Variants in MAP3K21 observed in about 807,000 individuals in gnomAD.
MAP3K21 encodes the protein mitogen-activated protein kinase kinase kinase 21, also known as mitogen-activated protein kinase kinase kinase MLK4.
In MAP3K21, 63 loss-of-function variants were observed where a neutral mutation model predicts 86.1. The ratio of observed to expected loss-of-function variants is 0.73; its 90% CI spans 0.60 to 0.90. The LOEUF (loss-of-function observed/expected upper bound fraction) is 0.90, where lower values mean the gene tolerates loss of function less well. Among genes scored for constraint, MAP3K21 ranks in the 40% least tolerant of loss-of-function variants. The probability of loss-of-function intolerance (pLI) is 0.00; values close to 1 mark genes in which losing one functional copy is unlikely to be tolerated. For missense variants in MAP3K21, 1,220 were observed against 1,367.7 expected (o/e 0.89, Z 1.70); for synonymous variants, 558 against 564.8 (o/e 0.99, Z 0.17).
In MAP3K21 at chr1:233,379,290, G is replaced by A; in HGVS notation, c.2284G>A (p.Gly762Arg). 1.2e-6 allele frequency: 2 copies of A among 1,614,148 alleles called. No homozygotes were observed. The highest frequency in any genetic ancestry group is 1.3e-5 in the African/African-American group (1 of 75,026). ...LPKEEKKKRE[G>R]IFQRASKSRR... ...CAAGGAAGAGAAGAAGAAACGAGAG[G>A]GAATCTTCCAGCGGGCTTCCAAGTC... is the stretch of plus-strand genomic sequence containing the variant. Residue 762 changes from glycine to arginine, a missense_variant, in exon 9 of 10, where the codon GGA (glycine) becomes AGA (arginine). By Grantham distance (125) the Gly-to-Arg change is moderately radical (BLOSUM62 -2). This residue lies in a region of MAP3K21 where 632 missense variants were observed against 691.3 expected (regional missense o/e 0.91). Coordinates refer to ENST00000366624, the MANE Select transcript of MAP3K21 (RefSeq NM_032435.3).
intron 4 of MAP3K21, among the ~76,000 whole-genome samples, chr1:233,357,338 G>A (rs2102755922): frequency 6.6e-6 from 1 of 151,542 alleles, no homozygotes; most frequent in African/African-American, 2.4e-5. Flanking sequence ...CACCAACAGG[G>A]CGCATGTATA....
chr1:233,343,402 A>C (rs1663074836), intron 1 of MAP3K21, among the ~76,000 whole-genome samples: 1 of 152,188 alleles, frequency 6.6e-6, no homozygotes, highest in African/African-American at 2.4e-5. Flanking sequence ...GTACTATGGT[A>C]ATTCACAAGA....
At chr1:233,352,946 A>G (rs930407165) in intron 2 of MAP3K21, among the ~76,000 whole-genome samples, 2 of 152,224 alleles carry the variant, frequency 1.3e-5, no homozygotes, top group African/African-American at 2.4e-5. Flanking sequence ...ACTCGTGCCT[A>G]TGTCCCTGTG....
chr1:233,357,621 C>A (rs986262957), intron 4 of MAP3K21, among the ~76,000 whole-genome samples: 5 of 152,042 alleles, frequency 3.3e-5, no homozygotes, highest in Non-Finnish European at 7.4e-5. Flanking sequence ...CATGGAGTTG[C>A]GTCTGACTGC....
At chr1:233,335,154 AG>A (rs1449270316) in intron 1 of MAP3K21, among the ~76,000 whole-genome samples, 1 of 152,046 alleles carries the variant, frequency 6.6e-6, no homozygotes, top group African/African-American at 2.4e-5. Context: ...GAGGCAATCC[AG>A]GGCTCCCGAA....
In MAP3K21 at chr1:233,376,055, T is replaced by C. The variant is rs765842021; in HGVS notation, c.1815T>C (p.Asp605=). The C allele has an allele frequency of 3.7e-6, 6 of 1,603,168 alleles. No homozygotes were observed. Among genetic ancestry groups the C allele is most frequent in the Non-Finnish European group, 5.1e-6 (6 of 1,177,610 alleles). The change falls in exon 7 of 10, where the codon GAT becomes GAC. Residue 605 remains aspartate, a synonymous_variant. Coordinates refer to ENST00000366624, the MANE Select transcript of MAP3K21 (RefSeq NM_032435.3). ...CCATTCAAATGAAAGATAGAACAGA[T>C]TGCAAAGAAAGGTACGTGTGTGGTA... is the stretch of plus-strand genomic sequence containing the variant. ...PNSIQMKDRT[D]CKERIRPLSD...
chr1:233,359,574 G>A (rs1013825868), intron 4 of MAP3K21, among the ~76,000 whole-genome samples: 9 of 152,112 alleles, frequency 5.9e-5, no homozygotes, highest in East Asian at 1.9e-4. Context: ...TCAGTAAGCC[G>A]TAGCCTCCGT....
In MAP3K21 at chr1:233,328,904, G is replaced by A; in HGVS notation, c.805+71G>A. On this transcript the variant is annotated intron_variant, in intron 1 of 9. Coordinates refer to ENST00000366624, the MANE Select transcript of MAP3K21 (RefSeq NM_032435.3). This position sits in a 1 kb window ranked among gnomAD's most constrained non-coding sequence, Gnocchi z 8.7. ...GCCCAGGCGGGCTCCACAGGACATA[G>A]TACCAGATGGAAAGAGGTGGGAGTC... 7.8e-7 allele frequency: 1 copy of A among 1,284,606 alleles called. No individual in the cohort carries two copies. Among genetic ancestry groups the A allele is most frequent in the Non-Finnish European group, 9.9e-7 (1 of 1,008,020 alleles). The allele number at this position is 1,284,606 out of a possible 1,614,324, so 79.6% of individuals were successfully genotyped here.
At chr1:233,352,388 A>C (rs1051605666) in intron 2 of MAP3K21, among the ~76,000 whole-genome samples, 4 of 151,574 alleles carry the variant, frequency 2.6e-5, no homozygotes, top group African/African-American at 9.7e-5. Flanking sequence ...TAGCCATCCT[A>C]CAGTGCGTTA....
rs1251099288 is a variant in MAP3K21 at position 233,328,338 on chromosome 1, G to T, written c.310G>T (p.Ala104Ser). ...CTACGTGGCTCCCTGCCGCCCGGCC[G>T]CCAGCCCCGCGCCGCCGCCCTCGCG... ...ANYVAPCRPAASPAPPPSRPS... is the reference protein window; with the variant it reads ...ANYVAPCRPASSPAPPPSRPS... The change falls in exon 1 of 10, where the codon GCC becomes TCC. Residue 104 changes from alanine (A) to serine (S), a missense_variant. Physicochemically the swap from Ala to Ser is moderately conservative, Grantham distance 99 (BLOSUM62 1). This residue lies in a region of MAP3K21 where 369 missense variants were observed against 385.3 expected (regional missense o/e 0.96). Coordinates refer to ENST00000366624, the MANE Select transcript of MAP3K21 (RefSeq NM_032435.3). The surrounding 1 kb of genome is among the most constrained non-coding windows in gnomAD (Gnocchi z 8.7). 3.4e-6 allele frequency: 5 copies of T among 1,468,796 alleles called. No individual in the cohort carries two copies. Among genetic ancestry groups the T allele is most frequent in the Non-Finnish European group, 4.5e-6 (5 of 1,118,740 alleles). The allele number at this position is 1,468,796 out of a possible 1,614,324, so 91.0% of individuals were successfully genotyped here.
chr1:233,328,848 A>C lies in MAP3K21; in HGVS notation c.805+15A>C, dbSNP rs1449260491. 6.0e-6 allele frequency: 9 copies of C among 1,494,766 alleles called. No homozygotes were observed. Among genetic ancestry groups the C allele is most frequent in the South Asian group, 5.1e-5 (4 of 78,892 alleles). The allele number at this position is 1,494,766 out of a possible 1,614,324, so 92.6% of individuals were successfully genotyped here. A position where few individuals can be genotyped will look rare whatever the true frequency, so the allele number is the denominator to read the frequency against. ...GTCCAGCAACAGTAAGTGGGGCCAGAGGGAGGTGGGGGAAGACTACCTCCG... is the reference window on the plus strand; with the variant it reads ...GTCCAGCAACAGTAAGTGGGGCCAGCGGGAGGTGGGGGAAGACTACCTCCG... On this transcript the variant is annotated intron_variant, in intron 1 of 9. Transcript: ENST00000366624. The surrounding 1 kb of genome is among the most constrained non-coding windows in gnomAD (Gnocchi z 8.7).
chr1:233,355,216 T>C (rs113682588), intron 4 of MAP3K21, among the ~76,000 whole-genome samples: 42 of 145,196 alleles, frequency 2.9e-4, no homozygotes, highest in African/African-American at 1.0e-3. Flanking sequence ...ACCCTTTTAT[T>C]AGAGGAATTT....
In MAP3K21 at chr1:233,328,280, G is replaced by A; in HGVS notation, c.252G>A (p.Gln84=). ...VSGDEGWWAG[Q]VQRRLGIFPA... is the part of the protein sequence containing the mutation. ...GCGACGAGGGCTGGTGGGCAGGCCA[G>A]GTGCAGCGGCGCCTCGGCATCTTCC... The change falls in exon 1 of 10, where the codon CAG becomes CAA. Residue 84 remains glutamine (Q), a synonymous_variant. Coordinates refer to ENST00000366624, the MANE Select transcript of MAP3K21 (RefSeq NM_032435.3). The surrounding 1 kb of genome is among the most constrained non-coding windows in gnomAD (Gnocchi z 8.7). 6.7e-7 allele frequency: 1 copy of A among 1,489,260 alleles called. No individual in the cohort carries two copies. The highest frequency in any genetic ancestry group is 8.9e-7 in the Non-Finnish European group (1 of 1,127,572). 92.3% of individuals were successfully genotyped at this position (1,489,260 alleles called of 1,614,324 possible). A position where few individuals can be genotyped will look rare whatever the true frequency, so the allele number is the denominator to read the frequency against.
intron 8 of MAP3K21, among the ~76,000 whole-genome samples, chr1:233,378,189 G>C (rs1401272453): frequency 6.6e-6 from 1 of 152,186 alleles, no homozygotes; most frequent in African/African-American, 2.4e-5. Context: ...ATGTTATTTG[G>C]AAATCAGATT....
chr1:233,343,426 A>G (rs1428895484), intron 1 of MAP3K21, among the ~76,000 whole-genome samples: 2 of 152,214 alleles, frequency 1.3e-5, no homozygotes, highest in East Asian at 3.9e-4. Flanking sequence ...GCAAGGAAGC[A>G]GAAGCACATG....
At chr1:233,358,073 T>A (rs560981077) in intron 4 of MAP3K21, among the ~76,000 whole-genome samples, 16 of 151,684 alleles carry the variant, frequency 1.1e-4, no homozygotes, top group Admixed American at 4.6e-4. Flanking sequence ...TTTTTTTTTT[T>A]ATACTTTAAG....
At chr1:233,340,579 C>T (rs1018617327) in intron 1 of MAP3K21, among the ~76,000 whole-genome samples, 41 of 142,322 alleles carry the variant, frequency 2.9e-4, no homozygotes, top group African/African-American at 1.1e-3. Context: ...GGTATGTGTC[C>T]GGGGTGGGAG....
chr1:233,345,769 C>G (rs1476491323), intron 1 of MAP3K21, among the ~76,000 whole-genome samples: 1 of 145,238 alleles, frequency 6.9e-6, no homozygotes, highest in Non-Finnish European at 1.5e-5. Context: ...AATAAAAGCA[C>G]ATTTGTTGTA....
chr1:233,362,659 A>T (rs1232639823), intron 5 of MAP3K21, among the ~76,000 whole-genome samples: 2 of 152,088 alleles, frequency 1.3e-5, no homozygotes, highest in African/African-American at 4.8e-5. Flanking sequence ...CGAAACTGTT[A>T]ATATTTCATC....
Sources: gnomAD v4.1 joint callset for allele counts (sites outside exome capture counted in the v4.1 genomes callset) on GRCh38, gnomAD v4.1.1 for gene constraint, gnomAD v4.1.1 regional missense constraint, Gnocchi (gnomAD v3.1) non-coding constraint, MANE v1.5 for transcripts, NCBI Gene and HGNC (gene_info 2026-07-23, HGNC 2026-07-21) for gene names.